Variants in CDH12 observed in about 807,000 individuals in gnomAD.
CDH12 encodes cadherin 12, also known as cadherin-12.
Under a neutral mutation model 74.1 loss-of-function variants are expected in CDH12, and 41 were observed. The ratio of observed to expected loss-of-function variants is 0.55; its 90% CI spans 0.43 to 0.72. CDH12 has a LOEUF of 0.72. CDH12 is among the 30% of genes least tolerant of loss of function. The probability of loss-of-function intolerance (pLI) is 0.00; values close to 1 mark genes in which losing one functional copy is unlikely to be tolerated. For missense variants in CDH12, 945 were observed against 977.2 expected, an observed-to-expected ratio of 0.97 and a Z score of 0.44; for synonymous variants, 399 against 355.0, an observed-to-expected ratio of 1.12 and a Z score of -1.39.
intron 5 of CDH12, among the ~76,000 whole-genome samples, chr5:22,007,249 C>T (rs1462817552): frequency 6.6e-6 from 1 of 152,118 alleles, no homozygotes; most frequent in African/African-American, 2.4e-5. Flanking sequence ...CTCAAGAGAT[C>T]TGTTATACAA....
chr5:21,950,514 C>T (rs1451564979), intron 6 of CDH12, among the ~76,000 whole-genome samples: 1 of 151,216 alleles, frequency 6.6e-6, no homozygotes, highest in Non-Finnish European at 1.5e-5. Context: ...CTATAGAAAC[C>T]AACTAAAAAA....
In CDH12 at chr5:21,789,695, T is replaced by C. The variant is rs578205440; in HGVS notation, c.1257-6201A>G. On this transcript the variant is annotated intron_variant, in intron 10 of 14. Transcript: ENST00000382254. The stretch of plus-strand genomic sequence containing the variant: ...TTTTCAAAGCTTTTCTTTACTTCCA[T>C]CTTTGAAAATCTCTGCAATGAACAG... 2.0e-4 allele frequency among the ~76,000 whole-genome samples: 31 copies of C among 152,278 alleles called. 1 individual carries two copies. The South Asian group carries it at 2.7e-3, about 13-fold the overall frequency.
intron 1 of CDH12, among the ~76,000 whole-genome samples, chr5:22,733,260 G>A (rs1223833689): frequency 6.6e-6 from 1 of 151,780 alleles, no homozygotes; most frequent in East Asian, 1.9e-4. Context: ...TCATCACAAT[G>A]TTAATTAAAT....
At chr5:22,289,690 T>C (rs1287673248) in intron 3 of CDH12, among the ~76,000 whole-genome samples, 1 of 152,090 alleles carries the variant, frequency 6.6e-6, no homozygotes, top group Non-Finnish European at 1.5e-5. Context: ...AGAATATTCT[T>C]AGATTACCTG....
intron 4 of CDH12, among the ~76,000 whole-genome samples, chr5:22,079,899 G>GAA (rs35956037): frequency 0.019 from 2,808 of 145,794 alleles, 69 homozygotes; most frequent in African/African-American, 0.057. Flanking sequence ...TATGCAAATG[G>GAA]AAAAAAAAAA....
At chr5:22,766,176 A>G (rs1230446103) in intron 1 of CDH12, among the ~76,000 whole-genome samples, 1 of 152,048 alleles carries the variant, frequency 6.6e-6, no homozygotes, top group East Asian at 1.9e-4. Context: ...GTGAGAATGT[A>G]AATTGGAATA....
intron 3 of CDH12, among the ~76,000 whole-genome samples, chr5:22,400,263 G>T (rs1278904691): frequency 6.6e-6 from 1 of 151,932 alleles, no homozygotes; most frequent in Non-Finnish European, 1.5e-5. Flanking sequence ...AATTACTGAA[G>T]GCCATTGTTT....
At chr5:22,161,236 A>C (rs6452063) in intron 4 of CDH12, among the ~76,000 whole-genome samples, 149,791 of 152,246 alleles carry the variant, frequency 0.98, 73,729 homozygotes, top group East Asian at 1. Context: ...TTCCCCTAAA[A>C]CTTTTTGTTT....
intron 2 of CDH12, among the ~76,000 whole-genome samples, chr5:22,447,403 G>A (rs1744857282): frequency 6.6e-6 from 1 of 151,936 alleles, no homozygotes; most frequent in Admixed American, 6.6e-5. Flanking sequence ...AAGTTTATTA[G>A]TTACAAATAA....
chr5:22,273,032 A>T (rs575799018), intron 3 of CDH12, among the ~76,000 whole-genome samples: 1 of 152,120 alleles, frequency 6.6e-6, no homozygotes, highest in Non-Finnish European at 1.5e-5. Flanking sequence ...ACTCACTATC[A>T]TGAGAACAGC....
At chr5:21,770,484 C>T (rs1745260241) in intron 11 of CDH12, among the ~76,000 whole-genome samples, 1 of 151,788 alleles carries the variant, frequency 6.6e-6, no homozygotes, top group Non-Finnish European at 1.5e-5. Context: ...AGTAGCTGGG[C>T]ATGGTGGTGG....
intron 1 of CDH12, among the ~76,000 whole-genome samples, chr5:22,718,226 T>C (rs550179645): frequency 6.6e-6 from 1 of 152,360 alleles, no homozygotes; most frequent in South Asian, 2.1e-4. Context: ...CTATACTTTG[T>C]GCCTTAGCCT....
chr5:22,032,537 C>T (rs1384944409), intron 5 of CDH12, among the ~76,000 whole-genome samples: 2 of 151,508 alleles, frequency 1.3e-5, no homozygotes, highest in Non-Finnish European at 2.9e-5. Context: ...ATGGTGAAAC[C>T]CCATCTCTAC....
intron 3 of CDH12, among the ~76,000 whole-genome samples, chr5:22,311,646 TG>T (rs1344682159): frequency 1.4e-5 from 2 of 145,008 alleles, no homozygotes; most frequent in Non-Finnish European, 3.0e-5. Context: ...GAAGTTTTAG[TG>T]AGCTGAGATC....
intron 5 of CDH12, among the ~76,000 whole-genome samples, chr5:22,060,709 G>A (rs909387919): frequency 1.3e-5 from 2 of 152,076 alleles, no homozygotes; most frequent in Non-Finnish European, 2.9e-5. Flanking sequence ...AGCCCTGCAG[G>A]TTCTTTTTTT....
chr5:22,293,301 C>A (rs1265486095), intron 3 of CDH12, among the ~76,000 whole-genome samples: 1 of 152,198 alleles, frequency 6.6e-6, no homozygotes, highest in South Asian at 2.1e-4. Context: ...TGTGCTCTTG[C>A]AGTGACCAGA....
chr5:22,695,121 A>G (rs1005283106), intron 1 of CDH12, among the ~76,000 whole-genome samples: 5 of 152,126 alleles, frequency 3.3e-5, no homozygotes, highest in Admixed American at 3.3e-4. Flanking sequence ...TAGTTTGCTG[A>G]CAATGATGGT....
At position 22,172,770 on chromosome 5, in the gene CDH12, T is replaced by C. The variant is rs961977957; in HGVS notation, c.-187+39728A>G. On this transcript the variant is annotated intron_variant, in intron 4 of 14. Coordinates refer to ENST00000382254, the MANE Select transcript of CDH12 (RefSeq NM_004061.5). ...TTTTCTCTATTTTTTAATATTTGCA[T>C]GGTGAGAATGAATTCATTTAATTTA... Among the ~76,000 whole-genome samples, 3 of 151,766 alleles carry C rather than the reference T, an allele frequency of 2.0e-5. No individual in the cohort carries two copies. The Admixed American group carries it at 2.0e-4, about 10-fold the overall frequency.
chr5:22,308,809 A>AAC (rs774664506), intron 3 of CDH12, among the ~76,000 whole-genome samples: 15 of 85,376 alleles, frequency 1.8e-4, no homozygotes, highest in African/African-American at 5.0e-4. Context: ...CAAATACACA[A>AAC]ACACACACAC....
Sources: gnomAD v4.1 joint callset for allele counts (sites outside exome capture counted in the v4.1 genomes callset) on GRCh38, gnomAD v4.1.1 for gene constraint, MANE v1.5 for transcripts, NCBI Gene and HGNC (gene_info 2026-07-23, HGNC 2026-07-21) for gene names.